Variants in CLUL1 observed in about 807,000 individuals in gnomAD.
The protein encoded by CLUL1 is clusterin like 1, also known as clusterin-like protein 1.
CLUL1 carries 43 observed loss-of-function variants against 49.4 expected under a neutral mutation model. The observed-to-expected ratio is 0.87, with a 90% CI of 0.68 to 1.12. The LOEUF is 1.12. Among genes scored for constraint, CLUL1 ranks in the 50% most tolerant of loss-of-function variants. The pLI, the probability that CLUL1 is intolerant of heterozygous loss-of-function variation, is 0.00. For synonymous variants in CLUL1, 192 were observed against 184.9 expected (o/e 1.04, Z -0.31); for missense variants, 486 against 544.4 (o/e 0.89, Z 1.07).
intron 2 of CLUL1, among the ~76,000 whole-genome samples, chr18:607,808 C>T (rs2073021886): frequency 6.6e-6 from 1 of 152,132 alleles, no homozygotes; most frequent in Non-Finnish European, 1.5e-5. Flanking sequence ...GCGATCCTCC[C>T]ACCTCAGCCT....
In CLUL1 at chr18:636,656, C is replaced by T. The variant is rs1429101314; in HGVS notation, c.994+3221C>T. Among the ~76,000 whole-genome samples the T allele has an allele frequency of 1.9e-4, 27 of 140,418 alleles. No homozygotes were observed. The South Asian group carries it at 4.1e-3, about 21-fold the overall frequency. 92.1% of individuals were successfully genotyped at this position (140,418 alleles called of 152,430 possible). ...TTTTTTTTTTTTTGTGCCAGAGTCT[C>T]GCTCTGTCGCCGAGGCTGGAGTGCA... On this transcript the variant is annotated intron_variant, in intron 7 of 9. Coordinates refer to ENST00000692774, the MANE Select transcript of CLUL1 (RefSeq NM_001393344.1).
intron 2 of CLUL1, among the ~76,000 whole-genome samples, chr18:614,108 C>T (rs2073220483): frequency 6.6e-6 from 1 of 152,160 alleles, no homozygotes; most frequent in Non-Finnish European, 1.5e-5. Flanking sequence ...TGCAATTTGA[C>T]CTCTTAAGTC....
chr18:602,625 T>C (rs150505439), intron 1 of CLUL1, among the ~76,000 whole-genome samples: 84 of 152,202 alleles, frequency 5.5e-4, no homozygotes, highest in African/African-American at 1.7e-3. Context: ...CCTGATTCAA[T>C]AGGAAAATAA....
intron 2 of CLUL1, chr18:616,526 G>T (rs1266316397): frequency 2.0e-5 from 3 of 152,784 alleles, no homozygotes; most frequent in African/African-American, 7.2e-5. Flanking sequence ...GGTAGCCCAA[G>T]GTCACTGTTG....
chr18:627,614 G>A, intron 6 of CLUL1, 85 bp downstream of exon 6: 1 of 940,760 alleles, frequency 1.1e-6, no homozygotes, highest in Non-Finnish European at 1.6e-6. Flanking sequence ...ACATTTCTGA[G>A]TCACATTGTA....
chr18:621,897 C>A (rs2073497926), intron 4 of CLUL1, among the ~76,000 whole-genome samples: 2 of 152,104 alleles, frequency 1.3e-5, no homozygotes, highest in African/African-American at 2.4e-5. Context: ...GTCAAGTAAG[C>A]AAATGTGGAT....
chr18:631,398 G>C (rs11662827), intron 6 of CLUL1, among the ~76,000 whole-genome samples: 67,733 of 151,636 alleles, frequency 0.45, 15,691 homozygotes, highest in East Asian at 0.76. Flanking sequence ...TGGTTCTAAT[G>C]CTGCCTTAGA....
At chr18:633,655 C>T (rs9675630) in intron 7 of CLUL1, among the ~76,000 whole-genome samples, 44,105 of 152,060 alleles carry the variant, frequency 0.29, 6,628 homozygotes, top group African/African-American at 0.36. Context: ...ACCCTGACAA[C>T]GCACGTGGCC....
chr18:631,004 T>G (rs1276442920), intron 6 of CLUL1, among the ~76,000 whole-genome samples: 6 of 152,080 alleles, frequency 3.9e-5, no homozygotes, highest in Non-Finnish European at 7.4e-5. Flanking sequence ...GAGCTAATAA[T>G]AATAGTAACT....
chr18:634,838 C>G (rs62090087), intron 7 of CLUL1, among the ~76,000 whole-genome samples: 3,756 of 152,236 alleles, frequency 0.025, 74 homozygotes, highest in Middle Eastern at 0.044. Context: ...TCCCCTCATT[C>G]CCTTTCCCTT....
intron 7 of CLUL1, among the ~76,000 whole-genome samples, chr18:635,120 A>G (rs1479684925): frequency 1.3e-5 from 2 of 152,188 alleles, no homozygotes; most frequent in African/African-American, 2.4e-5. Flanking sequence ...TAATTTGTAA[A>G]TAAAGGACCC....
intron 9 of CLUL1, among the ~76,000 whole-genome samples, chr18:649,416 A>T (rs1023324034): frequency 5.3e-5 from 8 of 152,126 alleles, no homozygotes; most frequent in Non-Finnish European, 1.0e-4. Flanking sequence ...TTTATTTCCC[A>T]TCCCCAAGTT....
chr18:627,987 C>G (rs145909115), intron 6 of CLUL1, among the ~76,000 whole-genome samples: 3,169 of 152,212 alleles, frequency 0.021, 113 homozygotes, highest in African/African-American at 0.072. Flanking sequence ...CCACGCCCAG[C>G]TAATTTTTTT....
chr18:642,056 A>G (rs1433444254), intron 8 of CLUL1, among the ~76,000 whole-genome samples: 1 of 152,210 alleles, frequency 6.6e-6, no homozygotes, highest in African/African-American at 2.4e-5. Context: ...TCTGTAAATT[A>G]TAGCTCTTAT....
At chr18:628,852 C>T (rs1003764559) in intron 6 of CLUL1, among the ~76,000 whole-genome samples, 6 of 151,826 alleles carry the variant, frequency 4.0e-5, no homozygotes, top group East Asian at 1.9e-4. Context: ...AGGCTGGTCT[C>T]GAACTCCTGA....
intron 1 of CLUL1, chr18:598,456 C>A (rs982318199): frequency 2.5e-6 from 1 of 398,340 alleles, no homozygotes; most frequent in Non-Finnish European, 4.4e-6. Context: ...TGGAGTCTCT[C>A]TTGAGTCTCA....
intron 1 of CLUL1, among the ~76,000 whole-genome samples, chr18:604,229 A>C (rs901225819): frequency 6.6e-6 from 1 of 152,212 alleles, no homozygotes; most frequent in African/African-American, 2.4e-5. Flanking sequence ...TGTGTGTATC[A>C]ATACTTCACT....
intron 9 of CLUL1, among the ~76,000 whole-genome samples, chr18:645,651 G>C (rs192306900): frequency 6.7e-6 from 1 of 150,154 alleles, no homozygotes; most frequent in Non-Finnish European, 1.5e-5. Context: ...AAAATTAGCC[G>C]GGCGTGGTGG....
chr18:618,124 T>C lies in CLUL1; in HGVS notation c.106+18T>C, dbSNP rs518471. The C allele has an allele frequency of 0.67, 1,059,937 of 1,579,818 alleles. 365,488 individuals carry two copies. Among genetic ancestry groups the C allele is most frequent in the Non-Finnish European group, 0.72 (825,086 of 1,149,546 alleles). On this transcript the variant is annotated intron_variant, in intron 3 of 9. Coordinates refer to ENST00000692774, the MANE Select transcript of CLUL1 (RefSeq NM_001393344.1). The surrounding 1 kb of genome is among the most constrained non-coding windows in gnomAD (Gnocchi z 4.2). ...CCTGAAGAGTACGTTTGGTTTCTTA[T>C]CTGTGCTGTGTCCTGTTTGCATGTT... is the stretch of plus-strand genomic sequence containing the variant.
Sources: allele counts gnomAD v4.1 joint callset (sites outside exome capture counted in the v4.1 genomes callset), GRCh38; gene constraint gnomAD v4.1.1; non-coding constraint Gnocchi (gnomAD v3.1); transcripts MANE v1.5; gene names NCBI Gene and HGNC (gene_info 2026-07-23, HGNC 2026-07-21).